PCDHGA1: variants seen among roughly 807,000 people sequenced by gnomAD.
PCDHGA1 encodes protocadherin gamma-A1.
Under a neutral mutation model 58.0 loss-of-function variants are expected in PCDHGA1, and 32 were observed. The observed-to-expected ratio is 0.55, with a 90% confidence interval of 0.42 to 0.74. The LOEUF (loss-of-function observed/expected upper bound fraction) is 0.74, where lower values mean the gene tolerates loss of function less well. Among genes scored for constraint, PCDHGA1 ranks in the 30% least tolerant of loss-of-function variants. The pLI, the probability that PCDHGA1 is intolerant of heterozygous loss-of-function variation, is 0.00. For synonymous variants in PCDHGA1, 498 were observed against 501.1 expected, an observed-to-expected ratio of 0.99 and a Z score of 0.08; for missense variants, 1,205 against 1,182.3, an observed-to-expected ratio of 1.02 and a Z score of -0.28.
chr5:141,486,474 C>G lies in PCDHGA1; in HGVS notation c.2422-8333C>G. ...ACTGCTTCTGATGCTGGGAACCCTC[C>G]TCTCAGTACCCACAGAACTATTTTC... On this transcript the variant is annotated intron_variant, in intron 1 of 3. Transcript: ENST00000517417. The surrounding 1 kb of genome is among the most constrained non-coding windows in gnomAD (Gnocchi z 5.0). The G allele has an allele frequency of 6.2e-7, 1 of 1,614,016 alleles. No individual in the cohort carries two copies. Among genetic ancestry groups the G allele is most frequent in the Non-Finnish European group, 8.5e-7 (1 of 1,179,822 alleles).
intron 1 of PCDHGA1, chr5:141,370,596 G>C: frequency 6.2e-7 from 1 of 1,613,936 alleles, no homozygotes; most frequent in Non-Finnish European, 8.5e-7. Flanking sequence ...GAACCTGCGG[G>C]TTATTGCAGA....
Position 141,512,931 on chromosome 5 carries a change from C to T in PCDHGA1, c.*1758C>T, listed in dbSNP as rs2099884512. On this transcript the variant is annotated 3_prime_UTR_variant, in exon 4 of 4. Transcript: ENST00000517417. ...GTTTTATACTCTAATATTTATATGG[C>T]TTTTTTTCTTCGACAAAAAAATAAT... The T allele has an allele frequency of 6.6e-6, 1 of 152,006 alleles. No homozygotes were observed. The highest frequency in any genetic ancestry group is 2.4e-5 in the African/African-American group (1 of 41,414). The allele number at this position is 152,006 out of a possible 1,614,324, so 9.4% of individuals were successfully genotyped here.
intron 1 of PCDHGA1, among the ~76,000 whole-genome samples, chr5:141,450,547 C>T (rs182695399): frequency 3.4e-4 from 51 of 150,496 alleles, no homozygotes; most frequent in African/African-American, 1.0e-3. Context: ...AATGCAGTGG[C>T]GCAGTCTCGG....
chr5:141,370,790 CT>C (rs776090899), intron 1 of PCDHGA1: 1 of 1,614,038 alleles, frequency 6.2e-7, no homozygotes, highest in East Asian at 2.2e-5. Context: ...ACCCACCGAC[CT>C]TTAGCCAAAA....
rs1756355804 is a variant in PCDHGA1, at chr5:141,331,412, C to T, written c.728C>T (p.Thr243Ile). 1 of 1,614,174 alleles carries T rather than the reference C, an allele frequency of 6.2e-7. No homozygotes were observed. Among genetic ancestry groups the T allele is most frequent in the Non-Finnish European group, 8.5e-7 (1 of 1,180,046 alleles). The change falls in exon 1 of 4, where the codon ACT (threonine) becomes ATT (isoleucine). Residue 243 changes from threonine (T) to isoleucine (I), a missense_variant. By Grantham distance (89) the Thr-to-Ile change is moderately conservative (BLOSUM62 -1). Coordinates refer to ENST00000517417, the MANE Select transcript of PCDHGA1 (RefSeq NM_018912.3). ...VDANDNPPAFTQAQYHINVPE... is the reference protein window; with the variant it reads ...VDANDNPPAFIQAQYHINVPE... Reference sequence around the variant, plus strand: ...GCAAATGACAATCCTCCAGCATTTACTCAGGCACAATACCATATAAATGTC... The same window carrying T: ...GCAAATGACAATCCTCCAGCATTTATTCAGGCACAATACCATATAAATGTC...
Position 141,384,108 on chromosome 5 carries a change from AT to A in PCDHGA1, c.2421+51005del. 1.9e-6 allele frequency: 3 copies of A among 1,603,570 alleles called. No individual in the cohort carries two copies. In the East Asian group the frequency reaches 6.8e-5, roughly 36 times the overall value. Reference sequence around the variant, plus strand: ...AAAAATCAATAGATAATTATTATAGATTGGTCACAACCAAAAACTTGGACCG... The same window carrying A: ...AAAAATCAATAGATAATTATTATAGATGGTCACAACCAAAAACTTGGACCG... On this transcript the variant is annotated intron_variant, in intron 1 of 3. Transcript: ENST00000517417.
In PCDHGA1 at chr5:141,409,272, T is replaced by G. The variant is rs2095250021; in HGVS notation, c.2421+76167T>G. ...ATCACTTCTCTCTCTGATCAGATTT[T>G]GGAGAATTCACCTCCAGGAATGGTT... On this transcript the variant is annotated intron_variant, in intron 1 of 3. Coordinates refer to ENST00000517417, the MANE Select transcript of PCDHGA1 (RefSeq NM_018912.3). 5 of 1,614,042 alleles carry G rather than the reference T, an allele frequency of 3.1e-6. No individual in the cohort carries two copies. In the South Asian group the frequency reaches 4.4e-5, roughly 14 times the overall value.
intron 1 of PCDHGA1, among the ~76,000 whole-genome samples, chr5:141,462,125 A>AT (rs1561991410): frequency 6.6e-6 from 1 of 151,688 alleles, no homozygotes; most frequent in African/African-American, 2.4e-5. Context: ...ACCCAGTCCA[A>AT]TTTTTTGTAT....
chr5:141,421,403 A>G, intron 1 of PCDHGA1: 1 of 1,614,054 alleles, frequency 6.2e-7, no homozygotes, highest in Non-Finnish European at 8.5e-7. Context: ...GAGCCCCGGG[A>G]GCTGGCGAAG....
intron 1 of PCDHGA1, chr5:141,373,807 T>G (rs760297070): frequency 2.9e-6 from 1 of 341,172 alleles, no homozygotes; most frequent in African/African-American, 2.1e-5. Context: ...CTCTGTGTGA[T>G]AGTTTCACAA....
chr5:141,355,305 GT>G (rs775367993), intron 1 of PCDHGA1: 5 of 1,613,846 alleles, frequency 3.1e-6, no homozygotes, highest in Non-Finnish European at 3.4e-6. Context: ...TCTACTCGGT[GT>G]TTGAGGAGCA....
At chr5:141,480,763 A>G (rs541754723) in intron 1 of PCDHGA1, among the ~76,000 whole-genome samples, 1 of 152,308 alleles carries the variant, frequency 6.6e-6, no homozygotes, top group East Asian at 1.9e-4. Flanking sequence ...GAAGGTCCCC[A>G]CTTGATCCTA....
Position 141,332,267 on chromosome 5 carries a change from T to A in PCDHGA1, c.1583T>A (p.Met528Lys). The A allele has an allele frequency of 6.2e-7, 1 of 1,614,224 alleles. No individual in the cohort carries two copies. The highest frequency in any genetic ancestry group is 1.1e-5 in the South Asian group (1 of 91,078). Residue 528 changes from methionine (M) to lysine (K), a missense_variant, in exon 1 of 4, where the codon ATG becomes AAG. By Grantham distance (95) the Met-to-Lys change is moderately conservative. Transcript: ENST00000517417. This position sits in a 1 kb window ranked among gnomAD's most constrained non-coding sequence, Gnocchi z 4.6. ...TTCGACTATGAGCAGTTCCGGGACA[T>A]GCAACTGAAAGTGATGGCGCGGGAC... ...RSFDYEQFRD[M>K]QLKVMARDSG... is the part of the protein sequence containing the mutation.
At chr5:141,364,618 C>T (rs373148081) in intron 1 of PCDHGA1, 2 of 1,614,140 alleles carry the variant, frequency 1.2e-6, no homozygotes, top group African/African-American at 2.7e-5. Flanking sequence ...AGGAGCTCTG[C>T]GCTCAGAGCC....
At chr5:141,433,295 G>A (rs754784548) in intron 1 of PCDHGA1, 22 of 1,044,006 alleles carry the variant, frequency 2.1e-5, no homozygotes, top group Non-Finnish European at 2.9e-5. Flanking sequence ...CTAGGCTCAA[G>A]CAATTATCCC....
At chr5:141,343,875 A>G (rs1588456790) in intron 1 of PCDHGA1, 2 of 611,288 alleles carry the variant, frequency 3.3e-6, no homozygotes, top group South Asian at 5.8e-5. Flanking sequence ...AATCAGACTC[A>G]GAAGATCCGG....
At chr5:141,374,976 C>G (rs774690686) in intron 1 of PCDHGA1, 1 of 1,613,898 alleles carries the variant, frequency 6.2e-7, no homozygotes, top group African/African-American at 1.3e-5. Flanking sequence ...AATGTTTTGA[C>G]TGGAGAAATT....
At chr5:141,399,833 C>A in intron 1 of PCDHGA1, 1 of 1,613,140 alleles carries the variant, frequency 6.2e-7, no homozygotes, top group Non-Finnish European at 8.5e-7. Context: ...GACGGCTCTG[C>A]GCTCTTCGAT....
chr5:141,405,279 C>G, intron 1 of PCDHGA1: 1 of 1,614,144 alleles, frequency 6.2e-7, no homozygotes, highest in Non-Finnish European at 8.5e-7. Flanking sequence ...CCCAACTATG[C>G]AGACACACTC....
Sources: allele counts gnomAD v4.1 joint callset (sites outside exome capture counted in the v4.1 genomes callset), GRCh38; gene constraint gnomAD v4.1.1; non-coding constraint Gnocchi (gnomAD v3.1); transcripts MANE v1.5; gene names NCBI Gene and HGNC (gene_info 2026-07-23, HGNC 2026-07-21).